KIAA0232: variants seen among roughly 807,000 people sequenced by gnomAD.
KIAA0232 encodes the protein uncharacterized protein KIAA0232.
KIAA0232 carries 27 observed loss-of-function variants against 122.0 expected under a neutral mutation model. The observed-to-expected ratio is 0.22, with a 90% CI of 0.16 to 0.31. KIAA0232 has a LOEUF of 0.31. Ranked by LOEUF, KIAA0232 falls within the 10% of genes least tolerant of loss-of-function variation. KIAA0232 has a pLI of 1.00. For missense variants in KIAA0232, 1,551 were observed against 1,634.2 expected (o/e 0.95, Z 0.88); for synonymous variants, 613 against 587.6 (o/e 1.04, Z -0.63).
intron 2 of KIAA0232, among the ~76,000 whole-genome samples, chr4:6,813,891 C>G (rs1717994693): frequency 6.6e-6 from 1 of 152,052 alleles, no homozygotes; most frequent in Non-Finnish European, 1.5e-5. Flanking sequence ...TAGGAGTGAG[C>G]CTGGCTTGAC....
At chr4:6,812,257 T>C (rs979971811) in intron 2 of KIAA0232, among the ~76,000 whole-genome samples, 9 of 152,176 alleles carry the variant, frequency 5.9e-5, no homozygotes, top group Non-Finnish European at 1.3e-4. Flanking sequence ...GTAGAACTTT[T>C]GTGATTATGG....
At chr4:6,827,990 C>G (rs1329821824) in intron 3 of KIAA0232, among the ~76,000 whole-genome samples, 2 of 152,040 alleles carry the variant, frequency 1.3e-5, no homozygotes, top group African/African-American at 4.8e-5. Flanking sequence ...ACCCATCTTT[C>G]AAAGCGTAGG....
At chr4:6,785,783 C>G (rs1323485796) in intron 1 of KIAA0232, among the ~76,000 whole-genome samples, 1 of 152,210 alleles carries the variant, frequency 6.6e-6, no homozygotes, top group Non-Finnish European at 1.5e-5. Context: ...CCCTTGCAGT[C>G]TGGCCCCCAG....
intron 2 of KIAA0232, among the ~76,000 whole-genome samples, chr4:6,819,397 T>G (rs1718313366): frequency 6.6e-6 from 1 of 151,854 alleles, no homozygotes; most frequent in Admixed American, 6.6e-5. Flanking sequence ...ATTGGAAACT[T>G]AAACAGTTCA....
At chr4:6,813,614 G>A (rs980154462) in intron 2 of KIAA0232, among the ~76,000 whole-genome samples, 5 of 151,994 alleles carry the variant, frequency 3.3e-5, no homozygotes, top group Admixed American at 2.6e-4. Context: ...CGCCCGCCTC[G>A]GCCTCCCAAA....
At chr4:6,800,139 C>G (rs1166644351) in intron 1 of KIAA0232, among the ~76,000 whole-genome samples, 1 of 136,978 alleles carries the variant, frequency 7.3e-6, no homozygotes, top group African/African-American at 2.8e-5. Context: ...CTGACTGCAA[C>G]CTCCATCTCC....
At chr4:6,865,914 A>C (rs745644035) in intron 7 of KIAA0232, among the ~76,000 whole-genome samples, 1 of 152,126 alleles carries the variant, frequency 6.6e-6, no homozygotes, top group South Asian at 2.1e-4. Context: ...ATCCTGGACT[A>C]TAAGCTCCTT....
At chr4:6,845,631 T>C (rs1719914275) in intron 4 of KIAA0232, among the ~76,000 whole-genome samples, 1 of 152,072 alleles carries the variant, frequency 6.6e-6, no homozygotes, top group South Asian at 2.1e-4. Flanking sequence ...TCAGGTAAAT[T>C]ATTTGAGCAA....
At chr4:6,844,849 A>C (rs1427648709) in intron 4 of KIAA0232, among the ~76,000 whole-genome samples, 2 of 152,266 alleles carry the variant, frequency 1.3e-5, no homozygotes, top group Admixed American at 1.3e-4. Context: ...AATTAGGAAC[A>C]TAATTAACCT....
At chr4:6,815,640 A>G (rs147363768) in intron 2 of KIAA0232, among the ~76,000 whole-genome samples, 1 of 152,310 alleles carries the variant, frequency 6.6e-6, no homozygotes, top group African/African-American at 2.4e-5. Flanking sequence ...TACTGCATAG[A>G]TGAATGTAGA....
At chr4:6,806,775 A>G (rs978918756) in intron 2 of KIAA0232, among the ~76,000 whole-genome samples, 1 of 151,384 alleles carries the variant, frequency 6.6e-6, no homozygotes, top group South Asian at 2.1e-4. Context: ...AATTAAAACA[A>G]TAAGAACATA....
intron 3 of KIAA0232, 107 bp downstream of exon 3, chr4:6,824,791 G>A: frequency 2.2e-6 from 2 of 928,728 alleles, no homozygotes; most frequent in South Asian, 1.6e-5. Flanking sequence ...TCATGTGTGT[G>A]TGCAAACATT....
At chr4:6,839,072 G>T (rs1719502187) in intron 3 of KIAA0232, among the ~76,000 whole-genome samples, 1 of 152,154 alleles carries the variant, frequency 6.6e-6, no homozygotes, top group Non-Finnish European at 1.5e-5. Context: ...GTTGCAATGA[G>T]CCAAGATCAC....
At chr4:6,809,893 C>T (rs1198664857) in intron 2 of KIAA0232, among the ~76,000 whole-genome samples, 3 of 151,960 alleles carry the variant, frequency 2.0e-5, no homozygotes, top group Non-Finnish European at 1.5e-5. Flanking sequence ...AAGATCTCTC[C>T]AAGGAAGACT....
Position 6,855,970 on chromosome 4 carries a change from T to TA in KIAA0232, c.370-1192dup. 1 of 550,774 alleles carries TA rather than the reference T, an allele frequency of 1.8e-6. No individual in the cohort carries two copies. The allele number at this position is 550,774 out of a possible 1,614,324, so 34.1% of individuals were successfully genotyped here. ...TATGACTAATATCTGCCATCGTTTT[T>TA]AAGAGTGTTTTTAAAGGAAAGGGCA... On this transcript the variant is annotated intron_variant, in intron 4 of 9. Transcript: ENST00000307659. This position sits in a 1 kb window ranked among gnomAD's most constrained non-coding sequence, Gnocchi z 4.3.
At chr4:6,813,337 A>C (rs1436759055) in intron 2 of KIAA0232, among the ~76,000 whole-genome samples, 1 of 151,896 alleles carries the variant, frequency 6.6e-6, no homozygotes, top group Non-Finnish European at 1.5e-5. Context: ...ATAATAATTT[A>C]AGTACTTAGA....
intron 4 of KIAA0232, among the ~76,000 whole-genome samples, chr4:6,849,833 G>T (rs1351109975): frequency 2.0e-5 from 3 of 152,134 alleles, no homozygotes; most frequent in Non-Finnish European, 2.9e-5. Flanking sequence ...CATCTTTGTG[G>T]TATGAATAAG....
chr4:6,800,457 G>A (rs563052806), intron 1 of KIAA0232, among the ~76,000 whole-genome samples: 162 of 150,860 alleles, frequency 1.1e-3, no homozygotes, highest in African/African-American at 3.4e-3. Flanking sequence ...CAAGGCAGGC[G>A]GATCACCTGA....
intron 3 of KIAA0232, among the ~76,000 whole-genome samples, chr4:6,830,223 G>A (rs902402338): frequency 3.3e-5 from 5 of 152,100 alleles, no homozygotes; most frequent in Admixed American, 6.5e-5. Flanking sequence ...TATTTCATAA[G>A]TGGAGATAGT....
Sources: gnomAD v4.1 joint callset for allele counts (sites outside exome capture counted in the v4.1 genomes callset) on GRCh38, gnomAD v4.1.1 for gene constraint, Gnocchi (gnomAD v3.1) non-coding constraint, MANE v1.5 for transcripts, NCBI Gene and HGNC (gene_info 2026-07-23, HGNC 2026-07-21) for gene names.